Variants in BLTP3A observed in about 807,000 individuals in gnomAD.
BLTP3A encodes the protein bridge-like lipid transfer protein family member 3A.
At chr6:34,847,404 G>A in the BLTP3A span, among the ~76,000 whole-genome samples, 35 of 152,096 alleles carry the variant, frequency 2.3e-4, no homozygotes, top group Admixed American at 9.8e-4. Context: ...TTAAATGTTC[G>A]GTAAAATTCA....
chr6:34,857,947 G>A, the BLTP3A span: 2 of 1,599,588 alleles, frequency 1.3e-6, no homozygotes, highest in Non-Finnish European at 1.7e-6. Context: ...TTTATCCCCT[G>A]TTAGTAGCCA....
At chr6:34,862,394 TAA>T in the BLTP3A span, among the ~76,000 whole-genome samples, 1 of 150,444 alleles carries the variant, frequency 6.6e-6, no homozygotes, top group Non-Finnish European at 1.5e-5. Context: ...AAAATAATAA[TAA>T]AATAAAATAA....
At chr6:34,821,194 G>T in the BLTP3A span, among the ~76,000 whole-genome samples, 1 of 152,132 alleles carries the variant, frequency 6.6e-6, no homozygotes, top group African/African-American at 2.4e-5. Context: ...GACCTCAGGT[G>T]ATCCACCCGC....
the BLTP3A span, among the ~76,000 whole-genome samples, chr6:34,800,781 A>G: frequency 6.6e-6 from 1 of 152,176 alleles, no homozygotes; most frequent in African/African-American, 2.4e-5. Flanking sequence ...ATATATTTAT[A>G]TAGTGGTGTG....
chr6:34,857,532 G>C, the BLTP3A span: 9,618 of 1,574,036 alleles, frequency 6.1e-3, 38 homozygotes, highest in Non-Finnish European at 7.2e-3. Context: ...GTCAGCCTTG[G>C]GGCCACTACG....
the BLTP3A span, among the ~76,000 whole-genome samples, chr6:34,851,539 C>T: frequency 6.6e-6 from 1 of 152,182 alleles, no homozygotes; most frequent in African/African-American, 2.4e-5. Flanking sequence ...ACAAGCACAC[C>T]ATGGCCACCA....
At chr6:34,818,977 A>T in the BLTP3A span, among the ~76,000 whole-genome samples, 1 of 152,184 alleles carries the variant, frequency 6.6e-6, no homozygotes, top group East Asian at 1.9e-4. Flanking sequence ...AAAGTTGGTA[A>T]ATATATAGAT....
the BLTP3A span, among the ~76,000 whole-genome samples, chr6:34,861,814 G>A: frequency 1.3e-5 from 2 of 152,152 alleles, no homozygotes; most frequent in African/African-American, 4.8e-5. Flanking sequence ...TGAACTCTTG[G>A]GCGCAAGTGA....
chr6:34,834,192 T>C, the BLTP3A span: 5 of 1,608,876 alleles, frequency 3.1e-6, no homozygotes, highest in Non-Finnish European at 3.4e-6. Context: ...TAATTCTGAT[T>C]GTTGGTCTAC....
At chr6:34,804,691 C>T in the BLTP3A span, among the ~76,000 whole-genome samples, 10 of 152,158 alleles carry the variant, frequency 6.6e-5, no homozygotes, top group African/African-American at 2.4e-4. Flanking sequence ...TATACCAAGA[C>T]ATCTAGATAG....
At chr6:34,857,394 C>T in the BLTP3A span, 1 of 1,614,092 alleles carries the variant, frequency 6.2e-7, no homozygotes, top group Non-Finnish European at 8.5e-7. Context: ...GGAAACTTCA[C>T]AACCTCCCTA....
chr6:34,798,548 T>C, the BLTP3A span, among the ~76,000 whole-genome samples: 1 of 151,834 alleles, frequency 6.6e-6, no homozygotes, highest in Non-Finnish European at 1.5e-5. Context: ...GCCAGTGCTT[T>C]GCATTGTAGC....
chr6:34,793,887 A>C, the BLTP3A span, among the ~76,000 whole-genome samples: 1 of 151,430 alleles, frequency 6.6e-6, no homozygotes, highest in Non-Finnish European at 1.5e-5. Flanking sequence ...TACTTTCTCT[A>C]AAATGGGGAT....
the BLTP3A span, chr6:34,857,727 C>T: frequency 6.2e-7 from 1 of 1,613,064 alleles, no homozygotes; most frequent in East Asian, 2.2e-5. Flanking sequence ...TTTCCAGTTC[C>T]TTGTCCTAAT....
chr6:34,849,605 A>G, the BLTP3A span, among the ~76,000 whole-genome samples: 2 of 152,156 alleles, frequency 1.3e-5, no homozygotes, highest in African/African-American at 2.4e-5. Flanking sequence ...TAGTTCATAC[A>G]CCATAATCAC....
chr6:34,870,856 A>G, the BLTP3A span: 11 of 1,614,034 alleles, frequency 6.8e-6, no homozygotes, highest in African/African-American at 1.3e-5. Context: ...TCACAAAGGT[A>G]CATGCTTTCA....
chr6:34,858,210 C>A, the BLTP3A span: 1 of 1,614,194 alleles, frequency 6.2e-7, no homozygotes, highest in African/African-American at 1.3e-5. Context: ...TGATTGCCAC[C>A]AATACACGTC....
chr6:34,842,324 G>T, the BLTP3A span, among the ~76,000 whole-genome samples: 3 of 152,072 alleles, frequency 2.0e-5, no homozygotes, highest in African/African-American at 7.2e-5. Flanking sequence ...ATATAACTCA[G>T]TGTATTTTGA....
At chr6:34,868,104 C>T in the BLTP3A span, among the ~76,000 whole-genome samples, 1 of 148,182 alleles carries the variant, frequency 6.7e-6, no homozygotes, top group Admixed American at 6.7e-5. Flanking sequence ...GTCAGGAGTT[C>T]GAGACCAGCC....
Sources: allele counts gnomAD v4.1 joint callset (sites outside exome capture counted in the v4.1 genomes callset), GRCh38; gene constraint gnomAD v4.1.1; transcripts MANE v1.5; gene names NCBI Gene and HGNC (gene_info 2026-07-23, HGNC 2026-07-21).